The following SPMIP1 variants were observed in gnomAD, a reference collection of about 807,000 sequenced individuals.
SPMIP1 encodes sperm microtubule inner protein 1, also known as protein SPMIP1.
chr7:128,867,791 C>T, the SPMIP1 span, among the ~76,000 whole-genome samples: 4 of 152,104 alleles, frequency 2.6e-5, no homozygotes, highest in Non-Finnish European at 4.4e-5. Context: ...AGGCTGGTCT[C>T]GAACTGCTGA....
chr7:128,866,839 A>T, the SPMIP1 span: 1 of 1,525,920 alleles, frequency 6.6e-7, no homozygotes, highest in African/African-American at 1.4e-5. Flanking sequence ...GGGTGAGCCC[A>T]ACCTCTTGGA....
chr7:128,870,478 C>T, the SPMIP1 span: 1 of 152,218 alleles, frequency 6.6e-6, no homozygotes, highest in East Asian at 1.9e-4. Context: ...GAGGCCTCGG[C>T]TCTCTTACGC....
At chr7:128,866,596 T>TCCCCCCCCCCCCCCCCC in the SPMIP1 span, 1 of 1,240,140 alleles carries the variant, frequency 8.1e-7, no homozygotes, top group South Asian at 1.3e-5. Context: ...AGCCCCACTC[T>TCCCCCCCCCCCCCCCCC]CACCCCCACC....
the SPMIP1 span, chr7:128,869,060 C>T: frequency 2.4e-6 from 1 of 410,066 alleles, no homozygotes; most frequent in African/African-American, 2.0e-5. Context: ...ACAGTAGTTC[C>T]AGGAAGTTCT....
At chr7:128,870,837 T>C in the SPMIP1 span, 1 of 152,298 alleles carries the variant, frequency 6.6e-6, no homozygotes, top group Admixed American at 6.5e-5. Context: ...TTTTATGTAG[T>C]GTGGAAGGTG....
the SPMIP1 span, chr7:128,871,733 T>G: frequency 6.6e-6 from 1 of 152,218 alleles, no homozygotes; most frequent in South Asian, 2.1e-4. Flanking sequence ...ATGGGTGCAC[T>G]CTCTGTGAAA....
chr7:128,870,240 C>A, the SPMIP1 span: 2 of 152,558 alleles, frequency 1.3e-5, no homozygotes, highest in Non-Finnish European at 2.9e-5. Context: ...TCGCCTTCCT[C>A]TGGGGGCTGC....
chr7:128,868,805 G>T, the SPMIP1 span: 2 of 1,466,062 alleles, frequency 1.4e-6, no homozygotes, highest in Non-Finnish European at 1.8e-6. Flanking sequence ...TTAGGGGAGG[G>T]AAGAAGAAAT....
chr7:128,867,567 GC>G, the SPMIP1 span, among the ~76,000 whole-genome samples: 1 of 151,324 alleles, frequency 6.6e-6, no homozygotes, highest in Non-Finnish European at 1.5e-5. Flanking sequence ...GAATATAGGT[GC>G]TTTTTTTTTT....
At chr7:128,866,749 C>T in the SPMIP1 span, 1 of 1,536,132 alleles carries the variant, frequency 6.5e-7, no homozygotes, top group Non-Finnish European at 8.7e-7. Flanking sequence ...GTACCGCTAC[C>T]TCAACACTCG....
the SPMIP1 span, chr7:128,869,235 C>T: frequency 9.6e-6 from 2 of 209,232 alleles, no homozygotes; most frequent in Non-Finnish European, 1.9e-5. Context: ...CAGGGCGCGC[C>T]GCCGCCCAGC....
the SPMIP1 span, chr7:128,866,426 A>C: frequency 1.3e-6 from 2 of 1,529,072 alleles, no homozygotes; most frequent in Non-Finnish European, 1.7e-6. Context: ...CGGCAGCTCA[A>C]CATAGACGCG....
At chr7:128,868,704 T>G in the SPMIP1 span, 1 of 1,535,956 alleles carries the variant, frequency 6.5e-7, no homozygotes, top group Non-Finnish European at 8.7e-7. Context: ...CTGCAAGATG[T>G]GCCGCATTGA....
At chr7:128,866,824 C>A in the SPMIP1 span, 1 of 1,532,262 alleles carries the variant, frequency 6.5e-7, no homozygotes, top group Non-Finnish European at 8.7e-7. Context: ...GTATGGCTGG[C>A]AGCTGGGTGA....
At chr7:128,867,371 G>A in the SPMIP1 span, among the ~76,000 whole-genome samples, 43 of 152,318 alleles carry the variant, frequency 2.8e-4, no homozygotes, top group African/African-American at 1.0e-3. Flanking sequence ...CAATCACCCA[G>A]GTGTTTGTTT....
the SPMIP1 span, chr7:128,871,690 T>G: frequency 6.6e-6 from 1 of 152,244 alleles, no homozygotes. Flanking sequence ...TTGTGCAATA[T>G]ACAGACGTGT....
chr7:128,869,207 T>G, the SPMIP1 span: 3 of 253,970 alleles, frequency 1.2e-5, no homozygotes, highest in East Asian at 7.0e-5. Context: ...CCCGATGCAT[T>G]TGCTCCAGCT....
At chr7:128,870,541 G>A in the SPMIP1 span, 3 of 152,302 alleles carry the variant, frequency 2.0e-5, no homozygotes, top group Non-Finnish European at 2.9e-5. Context: ...ACTCAGGGGT[G>A]TCCATCCTTG....
chr7:128,866,495 G>C, the SPMIP1 span: 1 of 1,536,016 alleles, frequency 6.5e-7, no homozygotes, highest in South Asian at 1.2e-5. Context: ...CGCTGTGAAT[G>C]GTACCGCAAG....
Sources: allele counts gnomAD v4.1 joint callset (sites outside exome capture counted in the v4.1 genomes callset), GRCh38; gene constraint gnomAD v4.1.1; transcripts MANE v1.5; gene names NCBI Gene and HGNC (gene_info 2026-07-23, HGNC 2026-07-21).